Variants in ROS1 observed in about 807,000 individuals in gnomAD.
ROS1 encodes proto-oncogene tyrosine-protein kinase ROS.
ROS1 carries 263 observed loss-of-function variants against 273.5 expected under a neutral mutation model. That is an observed-to-expected ratio of 0.96 (90% CI 0.87 to 1.06). ROS1 has a LOEUF of 1.06. Among genes scored for constraint, ROS1 ranks in the 50% least tolerant of loss-of-function variants. The pLI, the probability that ROS1 is intolerant of heterozygous loss-of-function variation, is 0.00. For synonymous variants in ROS1, 1,008 were observed against 954.1 expected (o/e 1.06, Z -1.04); for missense variants, 2,833 against 2,751.1 (o/e 1.03, Z -0.67).
At chr6:117,416,189 A>G (rs1166778472) in intron 3 of ROS1, 69 bp downstream of exon 3, 1 of 944,122 alleles carries the variant, frequency 1.1e-6, no homozygotes, top group Non-Finnish European at 1.7e-6. Context: ...TGCAAATGGG[A>G]ATCCTCTTAC....
At chr6:117,403,058 A>C in intron 7 of ROS1, 81 bp downstream of exon 7, 1 of 1,487,404 alleles carries the variant, frequency 6.7e-7, no homozygotes. Flanking sequence ...GAATAGATTT[A>C]TTTCATTGTT....
At chr6:117,288,916 C>T in intron 43 of ROS1, 114 bp from the exon 44 acceptor site, 1 of 850,040 alleles carries the variant, frequency 1.2e-6, no homozygotes, top group Non-Finnish European at 1.8e-6. Context: ...GTTCAGCAAA[C>T]ATTTATGAAG....
At chr6:117,300,010 C>T (rs1305009813) in intron 43 of ROS1, among the ~76,000 whole-genome samples, 1 of 149,590 alleles carries the variant, frequency 6.7e-6, no homozygotes, top group African/African-American at 2.5e-5. Flanking sequence ...GCAAGCTCCA[C>T]CTCCCGGGTT....
intron 24 of ROS1, 21 bp from the exon 25 acceptor site, chr6:117,358,030 A>G: frequency 2.6e-6 from 4 of 1,537,802 alleles, no homozygotes; most frequent in Non-Finnish European, 3.6e-6. Flanking sequence ...GGTAGAGAAC[A>G]CAGCCAAGAA....
intron 5 of ROS1, among the ~76,000 whole-genome samples, chr6:117,405,063 G>T (rs1255538525): frequency 6.6e-6 from 1 of 152,172 alleles, no homozygotes; most frequent in Non-Finnish European, 1.5e-5. Flanking sequence ...TCACTGGGAT[G>T]AAATGATTTT....
intron 22 of ROS1, among the ~76,000 whole-genome samples, chr6:117,361,431 A>G (rs1352954826): frequency 5.4e-5 from 8 of 149,492 alleles, no homozygotes; most frequent in Admixed American, 2.0e-4. Context: ...GCATATATAT[A>G]TATATAGTAG....
chr6:117,376,561 TA>T (rs1173972698), intron 18 of ROS1, among the ~76,000 whole-genome samples: 1 of 152,046 alleles, frequency 6.6e-6, no homozygotes, highest in Non-Finnish European at 1.5e-5. Context: ...TAAATTAACT[TA>T]AAAATGTATA....
chr6:117,384,007 T>C (rs987082472), intron 16 of ROS1, among the ~76,000 whole-genome samples: 6 of 152,210 alleles, frequency 3.9e-5, no homozygotes, highest in Admixed American at 2.0e-4. Flanking sequence ...TTATGAAGGA[T>C]TTCTATTCCC....
intron 14 of ROS1, 136 bp from the exon 15 acceptor site, chr6:117,387,135 T>C (rs1772649616): frequency 1.2e-5 from 6 of 505,578 alleles, no homozygotes. Flanking sequence ...TTTGAAAAGT[T>C]CTATAAAAGG....
At chr6:117,292,506 T>C (rs1444701045) in intron 43 of ROS1, among the ~76,000 whole-genome samples, 1 of 152,184 alleles carries the variant, frequency 6.6e-6, no homozygotes, top group Non-Finnish European at 1.5e-5. Flanking sequence ...ATGTCCACCA[T>C]CTTTGTAAGC....
At chr6:117,378,392 G>A (rs1443361999) in intron 18 of ROS1, among the ~76,000 whole-genome samples, 1 of 152,136 alleles carries the variant, frequency 6.6e-6, no homozygotes, top group South Asian at 2.1e-4. Context: ...TGTATGCCAA[G>A]TAAAAGAAGC....
chr6:117,326,730 C>A (rs1465846821), intron 33 of ROS1, among the ~76,000 whole-genome samples: 2 of 152,078 alleles, frequency 1.3e-5, no homozygotes, highest in Non-Finnish European at 2.9e-5. Flanking sequence ...ACCTATAAGA[C>A]AATTATTCCA....
At chr6:117,396,815 T>C in intron 8 of ROS1, 100 bp downstream of exon 8, 1 of 906,030 alleles carries the variant, frequency 1.1e-6, no homozygotes, top group Non-Finnish European at 1.7e-6. Flanking sequence ...GTGGCGCTTC[T>C]CAAAGCACAT....
intron 39 of ROS1, among the ~76,000 whole-genome samples, chr6:117,314,480 A>C (rs181170664): frequency 6.6e-6 from 1 of 152,312 alleles, no homozygotes; most frequent in African/African-American, 2.4e-5. Context: ...GAAAGCAAAA[A>C]GAACGTTTAG....
In ROS1 at chr6:117,387,829, C is replaced by T. The variant is rs1463259574; in HGVS notation, c.1950G>A (p.Lys650=). The T allele has an allele frequency of 1.2e-6, 2 of 1,614,166 alleles. No individual in the cohort carries two copies. Among genetic ancestry groups the T allele is most frequent in the Non-Finnish European group, 1.7e-6 (2 of 1,180,026 alleles). ...YKVSVRASSP[K]RPGPWSEPSV... Reference sequence around the variant, plus strand: ...AGGGCTCTGACCAGGGGCCTGGCCTCTTTGGAGAACTTGCTCTCACAGAAA... The same window carrying T: ...AGGGCTCTGACCAGGGGCCTGGCCTTTTTGGAGAACTTGCTCTCACAGAAA... Residue 650 remains lysine (K), a synonymous_variant, in exon 14 of 44, where the codon AAG becomes AAA. Transcript: ENST00000368507.
rs746845980 is a variant in ROS1 at position 117,341,643 on chromosome 6, T to C, written c.4652-11A>G. ...GCACTGCCTCTGGTACTGAAATAAA[T>C]AGCAAGGAATGATAAAGGATGCTGC... On this transcript the variant is annotated splice_polypyrimidine_tract_variant and intron_variant, in intron 29 of 43. Coordinates refer to ENST00000368507, the MANE Select transcript of ROS1 (RefSeq NM_001378902.1). 3 of 1,591,894 alleles carry C rather than the reference T, an allele frequency of 1.9e-6. No individual in the cohort carries two copies. Among genetic ancestry groups the C allele is most frequent in the East Asian group, 2.2e-5 (1 of 44,692 alleles).
chr6:117,357,061 T>C, intron 25 of ROS1, 146 bp from the exon 26 acceptor site: 1 of 652,230 alleles, frequency 1.5e-6, no homozygotes, highest in Admixed American at 3.0e-5. Context: ...TTCAATAACC[T>C]TTTTCTGAGA....
chr6:117,375,264 A>G (rs1173874199), intron 18 of ROS1, among the ~76,000 whole-genome samples: 2 of 152,196 alleles, frequency 1.3e-5, no homozygotes, highest in Non-Finnish European at 2.9e-5. Context: ...CATAAGAATG[A>G]TACAATGGAC....
At chr6:117,420,288 T>G (rs1775652965) in intron 1 of ROS1, among the ~76,000 whole-genome samples, 1 of 151,812 alleles carries the variant, frequency 6.6e-6, no homozygotes, top group African/African-American at 2.4e-5. Flanking sequence ...ACTACGCCAA[T>G]TATCTGCTTC....
Sources: allele counts gnomAD v4.1 joint callset (sites outside exome capture counted in the v4.1 genomes callset), GRCh38; gene constraint gnomAD v4.1.1; transcripts MANE v1.5; gene names NCBI Gene and HGNC (gene_info 2026-07-23, HGNC 2026-07-21).